ADAMTSL1: variants seen among roughly 807,000 people sequenced by gnomAD.
ADAMTSL1 encodes the protein ADAMTS-like protein 1.
Under a neutral mutation model 201.8 loss-of-function variants are expected in ADAMTSL1, and 126 were observed. The observed-to-expected ratio is 0.62, with a 90% CI of 0.54 to 0.72. ADAMTSL1 has a LOEUF of 0.72. Among genes scored for constraint, ADAMTSL1 ranks in the 30% least tolerant of loss-of-function variants. ADAMTSL1 has a pLI of 0.00. For missense variants in ADAMTSL1, 2,679 were observed against 2,277.8 expected (o/e 1.18, Z -3.59); for synonymous variants, 1,121 against 903.4 (o/e 1.24, Z -4.32).
At chr9:18,584,296 T>C (rs905732679) in intron 4 of ADAMTSL1, among the ~76,000 whole-genome samples, 17 of 151,328 alleles carry the variant, frequency 1.1e-4, no homozygotes, top group Admixed American at 2.0e-4. Context: ...GAGGAGTTTC[T>C]CTGCACAAGC....
intron 2 of ADAMTSL1, among the ~76,000 whole-genome samples, chr9:18,250,570 G>T (rs1024615462): frequency 2.6e-5 from 4 of 152,010 alleles, no homozygotes; most frequent in Admixed American, 2.0e-4. Context: ...GAAAACCTGG[G>T]AATCCCCTCC....
intron 1 of ADAMTSL1, among the ~76,000 whole-genome samples, chr9:17,996,585 T>C (rs886839478): frequency 2.0e-5 from 3 of 152,068 alleles, no homozygotes; most frequent in Non-Finnish European, 2.9e-5. Flanking sequence ...TGCTACTTAA[T>C]GTTCTTATTG....
intron 7 of ADAMTSL1, among the ~76,000 whole-genome samples, chr9:18,646,174 G>T (rs1017802098): frequency 6.6e-6 from 1 of 151,696 alleles, no homozygotes; most frequent in Admixed American, 6.6e-5. Flanking sequence ...GTTCACTCAT[G>T]ATTTGGCTCT....
At chr9:17,966,419 G>A (rs1450791975) in intron 1 of ADAMTSL1, among the ~76,000 whole-genome samples, 1 of 152,114 alleles carries the variant, frequency 6.6e-6, no homozygotes, top group Admixed American at 6.6e-5. Context: ...ACTTTGCTAC[G>A]CACTCAGAAG....
At position 18,886,203 on chromosome 9, in the gene ADAMTSL1, T is replaced by C. The variant is rs1342645777; in HGVS notation, c.4250-1628T>C. 6.4e-4 allele frequency among the ~76,000 whole-genome samples: 81 copies of C among 126,428 alleles called. 1 individual carries two copies. The highest frequency in any genetic ancestry group is 2.3e-3 in the African/African-American group (66 of 28,510). The allele number at this position is 126,428 out of a possible 152,430, so 82.9% of individuals were successfully genotyped here. On this transcript the variant is annotated intron_variant, in intron 23 of 28. Coordinates refer to ENST00000380548, the MANE Select transcript of ADAMTSL1 (RefSeq NM_001040272.6). ...ATATATATATATATATATATATATA[T>C]ATATATATACACACACATACATATA... is the stretch of plus-strand genomic sequence containing the variant.
At chr9:18,857,554 A>C in intron 23 of ADAMTSL1, among the ~76,000 whole-genome samples, 1 of 152,230 alleles carries the variant, frequency 6.6e-6, no homozygotes, top group East Asian at 1.9e-4. Flanking sequence ...TTCTTATCAC[A>C]CCCAATCACA....
intron 2 of ADAMTSL1, among the ~76,000 whole-genome samples, chr9:18,186,852 CACACACACAT>C (rs1828757696): frequency 6.6e-6 from 1 of 151,900 alleles, no homozygotes; most frequent in South Asian, 2.1e-4. Flanking sequence ...CACACACACA[CACACACACAT>C]GCACAAACAC....
intron 4 of ADAMTSL1, among the ~76,000 whole-genome samples, chr9:18,593,860 C>G (rs1824083487): frequency 6.6e-6 from 1 of 151,914 alleles, no homozygotes; most frequent in African/African-American, 2.4e-5. Flanking sequence ...GATCCATGTG[C>G]TAAGGAAATT....
Position 18,804,954 on chromosome 9 carries a change from C to T in ADAMTSL1, c.3805+9430C>T, listed in dbSNP as rs16937101. 8.0e-3 allele frequency among the ~76,000 whole-genome samples: 1,213 copies of T among 152,254 alleles called. 9 individuals carry two copies. Among genetic ancestry groups the T allele is most frequent in the South Asian group, 0.015 (74 of 4,816 alleles). On this transcript the variant is annotated intron_variant, in intron 20 of 28. Transcript: ENST00000380548. The stretch of plus-strand genomic sequence containing the variant: ...GTGTTAAATTTATAATACTTCATTG[C>T]TTTAAACTAAAATATTACCTTATAC...
intron 1 of ADAMTSL1, among the ~76,000 whole-genome samples, chr9:17,966,483 AC>A (rs1440343368): frequency 2.0e-5 from 3 of 152,060 alleles, no homozygotes; most frequent in Non-Finnish European, 4.4e-5. Flanking sequence ...AATAAGTACC[AC>A]CATTCTGCCC....
At position 18,829,162 on chromosome 9, in the gene ADAMTSL1, C is replaced by T. The variant is rs79289244; in HGVS notation, c.4115-681C>T. Among the ~76,000 whole-genome samples, 990 of 152,276 alleles carry T rather than the reference C, an allele frequency of 6.5e-3. 9 individuals carry two copies. The highest frequency in any genetic ancestry group is 0.01 in the Non-Finnish European group (713 of 68,022). The stretch of plus-strand genomic sequence containing the variant: ...AAATGATAAGCCACTATATATTTCC[C>T]ATTTTAGTCACTTTTAGCATTAACT... On this transcript the variant is annotated intron_variant, in intron 22 of 28. Coordinates refer to ENST00000380548, the MANE Select transcript of ADAMTSL1 (RefSeq NM_001040272.6).
Position 18,910,575 on chromosome 9 carries a change from G to A in ADAMTSL1, c.*2027G>A, listed in dbSNP as rs1271814990. 1 of 152,042 alleles carries A rather than the reference G, an allele frequency of 6.6e-6. No homozygotes were observed. Among genetic ancestry groups the A allele is most frequent in the Non-Finnish European group, 1.5e-5 (1 of 67,942 alleles). The allele number at this position is 152,042 out of a possible 1,614,324, so 9.4% of individuals were successfully genotyped here. Reference sequence around the variant, plus strand: ...GAGGGAATTCATTTGTGGCATAATAGTTATGCATGGAATGATAAAGACAGA... The same window carrying A: ...GAGGGAATTCATTTGTGGCATAATAATTATGCATGGAATGATAAAGACAGA... On this transcript the variant is annotated 3_prime_UTR_variant, in exon 29 of 29. Coordinates refer to ENST00000380548, the MANE Select transcript of ADAMTSL1 (RefSeq NM_001040272.6).
chr9:18,572,960 T>C (rs1822436587), intron 3 of ADAMTSL1, among the ~76,000 whole-genome samples: 1 of 152,128 alleles, frequency 6.6e-6, no homozygotes, highest in Admixed American at 6.6e-5. Flanking sequence ...GATAAACCTA[T>C]CAAAAAGCCC....
chr9:18,174,654 G>C (rs1426629488), intron 2 of ADAMTSL1, among the ~76,000 whole-genome samples: 1 of 152,082 alleles, frequency 6.6e-6, no homozygotes, highest in Non-Finnish European at 1.5e-5. Flanking sequence ...AGAGTAGGTA[G>C]AAATTTGCAT....
chr9:18,626,873 T>TAC (rs1826405588), intron 5 of ADAMTSL1, among the ~76,000 whole-genome samples: 1 of 100,396 alleles, frequency 1.0e-5, no homozygotes, highest in African/African-American at 5.4e-5. Context: ...CTTTCTGTCT[T>TAC]TCTTCCTTCC....
At chr9:18,419,990 A>C (rs1385947865) in intron 2 of ADAMTSL1, among the ~76,000 whole-genome samples, 1 of 152,076 alleles carries the variant, frequency 6.6e-6, no homozygotes, top group African/African-American at 2.4e-5. Context: ...GGCCTTCCAA[A>C]GTGCTGGGAT....
intron 2 of ADAMTSL1, among the ~76,000 whole-genome samples, chr9:18,336,835 G>A (rs915565572): frequency 6.6e-6 from 1 of 152,024 alleles, no homozygotes; most frequent in Non-Finnish European, 1.5e-5. Context: ...TATAGAGATG[G>A]CCATCTCATT....
At chr9:18,140,833 G>C (rs980935852) in intron 1 of ADAMTSL1, among the ~76,000 whole-genome samples, 2 of 152,124 alleles carry the variant, frequency 1.3e-5, no homozygotes, top group Non-Finnish European at 2.9e-5. Context: ...ATGGAAAGCA[G>C]TAATGGAAAT....
chr9:18,284,706 AACCC>A (rs1832927820), intron 2 of ADAMTSL1, among the ~76,000 whole-genome samples: 1 of 152,252 alleles, frequency 6.6e-6, no homozygotes, highest in Non-Finnish European at 1.5e-5. Flanking sequence ...ATTATTTCAT[AACCC>A]AAAGATAATA....
Sources: allele counts gnomAD v4.1 joint callset (sites outside exome capture counted in the v4.1 genomes callset), GRCh38; gene constraint gnomAD v4.1.1; transcripts MANE v1.5; gene names NCBI Gene and HGNC (gene_info 2026-07-23, HGNC 2026-07-21).